The following MCTP1 variants were observed in gnomAD, a reference collection of about 807,000 sequenced individuals.
MCTP1 encodes the protein multiple C2 and transmembrane domain containing 1.
MCTP1 carries 69 observed loss-of-function variants against 120.6 expected under a neutral mutation model. The ratio of observed to expected loss-of-function variants is 0.57; its 90% CI spans 0.47 to 0.70. The LOEUF (loss-of-function observed/expected upper bound fraction) is 0.70. Among genes scored for constraint, MCTP1 ranks in the 30% least tolerant of loss-of-function variants. MCTP1 has a pLI of 0.00. For missense variants in MCTP1, 1,203 were observed against 1,248.8 expected, an observed-to-expected ratio of 0.96 and a Z score of 0.55; for synonymous variants, 529 against 493.1, an observed-to-expected ratio of 1.07 and a Z score of -0.96.
intron 1 of MCTP1, among the ~76,000 whole-genome samples, chr5:95,260,277 C>T (rs1758352923): frequency 6.6e-6 from 1 of 152,152 alleles, no homozygotes; most frequent in Non-Finnish European, 1.5e-5. Context: ...CCTTGAGGCG[C>T]TCATCCAGTG....
chr5:95,183,938 A>G (rs769460063), intron 1 of MCTP1, among the ~76,000 whole-genome samples: 1 of 152,058 alleles, frequency 6.6e-6, no homozygotes, highest in South Asian at 2.1e-4. Flanking sequence ...GTTCTCACTC[A>G]TAATTGGGAG....
At chr5:94,737,584 A>G (rs1764562646) in intron 19 of MCTP1, among the ~76,000 whole-genome samples, 2 of 152,204 alleles carry the variant, frequency 1.3e-5, no homozygotes, top group South Asian at 4.1e-4. Flanking sequence ...ATTTGCAATA[A>G]CCATTACTGA....
intron 1 of MCTP1, among the ~76,000 whole-genome samples, chr5:95,142,981 A>G (rs561398388): frequency 6.6e-6 from 1 of 152,326 alleles, no homozygotes; most frequent in African/African-American, 2.4e-5. Flanking sequence ...CAAATAAAAT[A>G]TACTGTTTTT....
intron 2 of MCTP1, among the ~76,000 whole-genome samples, chr5:94,983,861 G>A (rs2153601915): frequency 6.6e-6 from 1 of 152,282 alleles, no homozygotes; most frequent in Non-Finnish European, 1.5e-5. Context: ...CAACCTTGTG[G>A]CCATCTAAAA....
At chr5:95,127,981 G>A (rs1268990263) in intron 1 of MCTP1, among the ~76,000 whole-genome samples, 1 of 152,098 alleles carries the variant, frequency 6.6e-6, no homozygotes, top group Non-Finnish European at 1.5e-5. Context: ...TGTTACAGAG[G>A]GCTTAGGCTC....
intron 2 of MCTP1, among the ~76,000 whole-genome samples, chr5:94,995,467 A>G (rs139191670): frequency 6.2e-4 from 95 of 152,226 alleles, no homozygotes; most frequent in African/African-American, 2.2e-3. Context: ...TAAAAATAAA[A>G]GGAGAGGAAA....
At chr5:94,717,762 C>CA (rs1759848692) in intron 19 of MCTP1, among the ~76,000 whole-genome samples, 2 of 152,150 alleles carry the variant, frequency 1.3e-5, no homozygotes, top group East Asian at 1.9e-4. Context: ...AATGAACTCT[C>CA]ATTCACAATT....
At chr5:95,095,472 T>C (rs893338092) in intron 1 of MCTP1, among the ~76,000 whole-genome samples, 1 of 152,172 alleles carries the variant, frequency 6.6e-6, no homozygotes, top group Non-Finnish European at 1.5e-5. Flanking sequence ...AAGGAAGAGA[T>C]CACAGGGTAA....
At chr5:94,922,997 C>CAAAAAAAAAAAAAAAAAAAAAAAAAAA (rs202245253) in intron 7 of MCTP1, among the ~76,000 whole-genome samples, 1 of 99,548 alleles carries the variant, frequency 1.0e-5, no homozygotes, top group Non-Finnish European at 2.0e-5. Flanking sequence ...TAAAAAGCTG[C>CAAAAAAAAAAAAAAAAAAAAAAAAAAA]AAAAAAAAAA....
chr5:94,719,282 C>G (rs1760292558), intron 19 of MCTP1, among the ~76,000 whole-genome samples: 2 of 152,094 alleles, frequency 1.3e-5, no homozygotes, highest in Admixed American at 6.5e-5. Flanking sequence ...CCAGAAATAC[C>G]ATTTGACCCA....
At chr5:95,066,104 A>G (rs566380388) in intron 1 of MCTP1, among the ~76,000 whole-genome samples, 1 of 152,326 alleles carries the variant, frequency 6.6e-6, no homozygotes, top group Non-Finnish European at 1.5e-5. Context: ...CAAAGTATAT[A>G]ACTAACAAGG....
chr5:95,278,188 T>G (rs546682495), intron 1 of MCTP1, among the ~76,000 whole-genome samples: 47 of 152,180 alleles, frequency 3.1e-4, no homozygotes, highest in Admixed American at 9.2e-4. Flanking sequence ...ACTTCTCACC[T>G]CTGATTCATA....
intron 1 of MCTP1, among the ~76,000 whole-genome samples, chr5:95,031,737 T>C (rs1840341453): frequency 6.6e-6 from 1 of 152,130 alleles, no homozygotes. Flanking sequence ...AAATCTCATA[T>C]ATTAACATTA....
chr5:94,941,691 T>A (rs1287062805), intron 4 of MCTP1, among the ~76,000 whole-genome samples: 2 of 152,078 alleles, frequency 1.3e-5, no homozygotes, highest in African/African-American at 2.4e-5. Context: ...GGTATTTTTT[T>A]ATTCTATAAT....
chr5:94,715,676 A>G (rs1296428862), intron 19 of MCTP1, among the ~76,000 whole-genome samples: 1 of 152,150 alleles, frequency 6.6e-6, no homozygotes, highest in Non-Finnish European at 1.5e-5. Context: ...CATATTTTGC[A>G]ATTTTAGACC....
chr5:95,253,461 T>C (rs969122478), intron 1 of MCTP1, among the ~76,000 whole-genome samples: 2 of 152,074 alleles, frequency 1.3e-5, no homozygotes, highest in African/African-American at 2.4e-5. Flanking sequence ...AGAAAATTAA[T>C]TAAGACACAA....
At chr5:94,794,086 GTCATA>G (rs1428370399) in intron 18 of MCTP1, among the ~76,000 whole-genome samples, 1 of 152,202 alleles carries the variant, frequency 6.6e-6, no homozygotes, top group Non-Finnish European at 1.5e-5. Flanking sequence ...TTGTGTCACA[GTCATA>G]TCATGAGTCA....
chr5:94,953,212 G>A lies in MCTP1; in HGVS notation c.981+7C>T. On this transcript the variant is annotated splice_region_variant and intron_variant, in intron 3 of 22. Transcript: ENST00000515393. Reference sequence around the variant, plus strand: ...TTCTATCAGGAAAAAACAAATAAATGGCTCACCTTTATATACAATGGCTCC... The same window carrying A: ...TTCTATCAGGAAAAAACAAATAAATAGCTCACCTTTATATACAATGGCTCC... The A allele has an allele frequency of 6.3e-7, 1 of 1,584,086 alleles. No homozygotes were observed. Among genetic ancestry groups the A allele is most frequent in the Non-Finnish European group, 8.6e-7 (1 of 1,168,260 alleles).
chr5:94,782,334 C>T (rs1776744534), intron 18 of MCTP1, among the ~76,000 whole-genome samples: 1 of 151,984 alleles, frequency 6.6e-6, no homozygotes, highest in Non-Finnish European at 1.5e-5. Flanking sequence ...ATAAGAAACA[C>T]ATAGAGGGGT....
Sources: gnomAD v4.1 joint callset for allele counts (sites outside exome capture counted in the v4.1 genomes callset) on GRCh38, gnomAD v4.1.1 for gene constraint, MANE v1.5 for transcripts, NCBI Gene and HGNC (gene_info 2026-07-23, HGNC 2026-07-21) for gene names.